The following STK3 variants were observed in gnomAD, a reference collection of about 807,000 sequenced individuals.
STK3 encodes the protein serine/threonine-protein kinase 3.
STK3 carries 41 observed loss-of-function variants against 58.0 expected under a neutral mutation model. The ratio of observed to expected loss-of-function variants is 0.71; its 90% CI spans 0.55 to 0.92. STK3 has a LOEUF of 0.92. STK3 is among the 40% of genes least tolerant of loss of function. The pLI, the probability that STK3 is intolerant of heterozygous loss-of-function variation, is 0.00. For synonymous variants in STK3, 170 were observed against 191.0 expected, an observed-to-expected ratio of 0.89 and a Z score of 0.91; for missense variants, 479 against 602.7, an observed-to-expected ratio of 0.79 and a Z score of 2.15.
chr8:98,662,222 A>G (rs1822019477), intron 6 of STK3, among the ~76,000 whole-genome samples: 1 of 152,182 alleles, frequency 6.6e-6, no homozygotes, highest in African/African-American at 2.4e-5. Flanking sequence ...ATAAAACTGA[A>G]ATACCAAAAT....
At chr8:98,436,440 G>T (rs1474643312) in intron 2 of STK3, among the ~76,000 whole-genome samples, 1 of 152,128 alleles carries the variant, frequency 6.6e-6, no homozygotes, top group Admixed American at 6.5e-5. Flanking sequence ...CTCCAAACTT[G>T]CTCTTCCTTC....
intron 10 of STK3, among the ~76,000 whole-genome samples, chr8:98,506,403 C>T (rs976336828): frequency 6.6e-6 from 1 of 152,206 alleles, no homozygotes; most frequent in African/African-American, 2.4e-5. Context: ...CCGTGGGCTG[C>T]ACCCACTGTC....
chr8:98,754,491 A>G (rs1488983908), intron 3 of STK3, among the ~76,000 whole-genome samples: 3 of 150,052 alleles, frequency 2.0e-5, no homozygotes, highest in Admixed American at 6.6e-5. Flanking sequence ...CTTCAGGGGA[A>G]AAAAAAAAAA....
At chr8:98,698,678 G>C (rs1055237315) in intron 6 of STK3, among the ~76,000 whole-genome samples, 23 of 152,288 alleles carry the variant, frequency 1.5e-4, no homozygotes, top group African/African-American at 3.4e-4. Flanking sequence ...CTTTAAGAAT[G>C]TTGAATATTG....
At chr8:98,423,824 G>A (rs759774373) in intron 3 of STK3, among the ~76,000 whole-genome samples, 3 of 152,240 alleles carry the variant, frequency 2.0e-5, no homozygotes, top group Non-Finnish European at 4.4e-5. Flanking sequence ...TCAGCTGAGA[G>A]ATCATCATTG....
chr8:98,862,575 A>C (rs182232172), intron 3 of STK3, among the ~76,000 whole-genome samples: 1 of 152,340 alleles, frequency 6.6e-6, no homozygotes, highest in East Asian at 1.9e-4. Context: ...TGGGTTTTTC[A>C]TTTGGAGATG....
At chr8:98,442,093 ATCT>A (rs1472547078) in intron 1 of STK3, among the ~76,000 whole-genome samples, 2 of 152,212 alleles carry the variant, frequency 1.3e-5, no homozygotes, top group Non-Finnish European at 2.9e-5. Context: ...GGCTAACTTC[ATCT>A]TCTCACTCTT....
intron 6 of STK3, among the ~76,000 whole-genome samples, chr8:98,608,492 G>A (rs1031824510): frequency 6.6e-6 from 1 of 152,060 alleles, no homozygotes; most frequent in Non-Finnish European, 1.5e-5. Flanking sequence ...TTTATATTAT[G>A]TCCTTCTAAT....
At chr8:98,774,069 T>A (rs1180110604) in intron 2 of STK3, among the ~76,000 whole-genome samples, 1 of 152,188 alleles carries the variant, frequency 6.6e-6, no homozygotes, top group Non-Finnish European at 1.5e-5. Context: ...GTGCTGGAAT[T>A]ACAGGCGTGA....
chr8:98,782,117 C>A, intron 1 of STK3: 1 of 233,006 alleles, frequency 4.3e-6, no homozygotes. Context: ...GGCTGGACAC[C>A]AATGAGACCA....
In STK3 at chr8:98,842,205, G is replaced by T. The variant is rs142881900; in HGVS notation, c.110+41442C>A. Among the ~76,000 whole-genome samples, 61 of 152,168 alleles carry T rather than the reference G, an allele frequency of 4.0e-4. 1 individual carries two copies. The highest frequency in any genetic ancestry group is 3.4e-3 in the Middle Eastern group (1 of 294). On this transcript the variant is annotated intron_variant, in intron 3 of 12. Coordinates refer to the STK3 transcript ENST00000523601. ...TATTTAAAATTTTTAAATTCTCCTT[G>T]AATTAATATATAAATTTAGTTAACT...
chr8:98,714,992 C>T (rs1345242562), intron 4 of STK3, among the ~76,000 whole-genome samples: 2 of 152,056 alleles, frequency 1.3e-5, no homozygotes, highest in Non-Finnish European at 2.9e-5. Flanking sequence ...TCTACAACTA[C>T]CTGATCTTTG....
rs192283019 is a variant in STK3, at chr8:98,486,983, C to A, written c.1318-30983G>T. On this transcript the variant is annotated intron_variant, in intron 10 of 10. Coordinates refer to ENST00000419617, the MANE Select transcript of STK3 (RefSeq NM_006281.4). The stretch of plus-strand genomic sequence containing the variant: ...TACTGCTGCTAAGAGGCAAAATAAC[C>A]TCTTTCTCGAGAAAGTGAGATAAAA... Among the ~76,000 whole-genome samples the A allele has an allele frequency of 8.0e-4, 118 of 146,988 alleles. 1 individual carries two copies. In the East Asian group the frequency reaches 0.021, roughly 26 times the overall value.
At chr8:98,499,338 C>T (rs376174241) in intron 10 of STK3, among the ~76,000 whole-genome samples, 5 of 152,118 alleles carry the variant, frequency 3.3e-5, no homozygotes, top group Admixed American at 6.6e-5. Context: ...TTTAAGCCAC[C>T]AAGTAAGTCT....
chr8:98,669,027 C>T (rs559110455), intron 6 of STK3, among the ~76,000 whole-genome samples: 4 of 120,594 alleles, frequency 3.3e-5, no homozygotes, highest in African/African-American at 6.7e-5. Flanking sequence ...GTCTTGCTCT[C>T]GCTCTGTTGC....
chr8:98,846,491 G>A (rs1190074558), intron 3 of STK3, among the ~76,000 whole-genome samples: 5 of 152,138 alleles, frequency 3.3e-5, no homozygotes, highest in African/African-American at 9.7e-5. Context: ...CTGGGATGCC[G>A]CAGTGAACAA....
intron 4 of STK3, among the ~76,000 whole-genome samples, chr8:98,747,382 G>T (rs1015733696): frequency 6.6e-6 from 1 of 152,060 alleles, no homozygotes; most frequent in Non-Finnish European, 1.5e-5. Context: ...CTTAGGAAAA[G>T]ATTGTTTCAT....
chr8:98,602,440 G>A (rs750598497), intron 6 of STK3, among the ~76,000 whole-genome samples: 10 of 152,182 alleles, frequency 6.6e-5, no homozygotes, highest in Non-Finnish European at 1.0e-4. Context: ...CACCAAATCT[G>A]CTAGCACCTA....
chr8:98,484,977 C>A (rs1238239184), intron 10 of STK3, among the ~76,000 whole-genome samples: 1 of 152,098 alleles, frequency 6.6e-6, no homozygotes, highest in African/African-American at 2.4e-5. Flanking sequence ...CGGTGGCTCA[C>A]GCCTGTAATC....
Sources: gnomAD v4.1 joint callset for allele counts (sites outside exome capture counted in the v4.1 genomes callset) on GRCh38, gnomAD v4.1.1 for gene constraint, MANE v1.5 for transcripts, NCBI Gene and HGNC (gene_info 2026-07-23, HGNC 2026-07-21) for gene names.